The following DPYD variants were observed in gnomAD, a reference collection of about 807,000 sequenced individuals.
The protein encoded by DPYD is dihydropyrimidine dehydrogenase, also known as dihydropyrimidine dehydrogenase [NADP(+)].
A neutral mutation model predicts 116.2 loss-of-function variants in DPYD; 109 were observed. That is an observed-to-expected ratio of 0.94 (90% CI 0.80 to 1.10). The LOEUF (loss-of-function observed/expected upper bound fraction) is 1.10. Among genes scored for constraint, DPYD ranks in the 50% least tolerant of loss-of-function variants. The pLI, the probability that DPYD is intolerant of heterozygous loss-of-function variation, is 0.00. For synonymous variants in DPYD, 440 were observed against 432.0 expected (o/e 1.02, Z -0.23); for missense variants, 1,302 against 1,254.5 (o/e 1.04, Z -0.57).
At chr1:97,671,946 A>ATTTTTTTT (rs202099045) in intron 8 of DPYD, among the ~76,000 whole-genome samples, 1 of 127,876 alleles carries the variant, frequency 7.8e-6, no homozygotes, top group African/African-American at 2.9e-5. Context: ...TTTATCTATT[A>ATTTTTTTT]TTTTTTTTTT....
intron 18 of DPYD, among the ~76,000 whole-genome samples, chr1:97,278,006 G>C (rs1051756631): frequency 1.3e-5 from 2 of 152,058 alleles, no homozygotes; most frequent in Non-Finnish European, 2.9e-5. Context: ...TGGGATTTCT[G>C]ATCTATTTAT....
intron 2 of DPYD, among the ~76,000 whole-genome samples, chr1:97,839,327 G>C (rs181658904): frequency 9.9e-5 from 15 of 152,092 alleles, no homozygotes; most frequent in African/African-American, 3.4e-4. Flanking sequence ...ATAATTTTCT[G>C]TCTCCAACCT....
intron 14 of DPYD, among the ~76,000 whole-genome samples, chr1:97,448,016 G>A (rs1676184907): frequency 6.6e-6 from 1 of 152,004 alleles, no homozygotes; most frequent in African/African-American, 2.4e-5. Context: ...TTGAGTTCAG[G>A]AGTTCAAGAC....
intron 20 of DPYD, among the ~76,000 whole-genome samples, chr1:97,110,643 C>A (rs2101622741): frequency 6.6e-6 from 1 of 152,240 alleles, no homozygotes; most frequent in South Asian, 2.1e-4. Context: ...TCCCTTCAAA[C>A]TTCTTTTAAG....
At position 97,724,299 on chromosome 1, in the gene DPYD, GGGGGGGGGGTGTGTGTGTGTGTGTGT is replaced by G. The variant is rs1301281158; in HGVS notation, c.322-2654_322-2629del. ...AGAAAGAATAGGATGTATGTGGGGGGGGGGGGGGGTGTGTGTGTGTGTGTGTGTGTGTGTGTGTGTGTGTGTGTGTG... is the reference window on the plus strand; with the variant it reads ...AGAAAGAATAGGATGTATGTGGGGGGGTGTGTGTGTGTGTGTGTGTGTGTG... On this transcript the variant is annotated intron_variant, in intron 4 of 22. Coordinates refer to ENST00000370192, the MANE Select transcript of DPYD (RefSeq NM_000110.4). Among the ~76,000 whole-genome samples the G allele has an allele frequency of 7.1e-3, 109 of 15,376 alleles. 3 individuals carry two copies. Among genetic ancestry groups the G allele is most frequent in the East Asian group, 0.054 (24 of 442 alleles). 10.1% of individuals were successfully genotyped at this position (15,376 alleles called of 152,430 possible).
chr1:97,847,666 T>TA (rs1670371664), intron 2 of DPYD, among the ~76,000 whole-genome samples: 1 of 152,128 alleles, frequency 6.6e-6, no homozygotes, highest in Non-Finnish European at 1.5e-5. Flanking sequence ...CTTACAGAAT[T>TA]AAAATATAGT....
chr1:97,584,282 T>C (rs1653923817), intron 10 of DPYD, among the ~76,000 whole-genome samples: 1 of 152,150 alleles, frequency 6.6e-6, no homozygotes, highest in South Asian at 2.1e-4. Flanking sequence ...GTAAATTTGT[T>C]TGAGTTCATT....
At chr1:97,150,569 T>G (rs564970659) in intron 20 of DPYD, among the ~76,000 whole-genome samples, 2 of 152,202 alleles carry the variant, frequency 1.3e-5, no homozygotes, top group Non-Finnish European at 2.9e-5. Context: ...CACTGGGCTC[T>G]CTCTGGGTTC....
intron 19 of DPYD, among the ~76,000 whole-genome samples, chr1:97,208,298 T>C (rs1355490105): frequency 6.6e-6 from 1 of 151,448 alleles, no homozygotes; most frequent in Admixed American, 6.6e-5. Context: ...TCTTTCTTTT[T>C]TTTTTTTGAC....
chr1:97,317,350 A>G (rs1456727648), intron 16 of DPYD, among the ~76,000 whole-genome samples: 1 of 151,956 alleles, frequency 6.6e-6, no homozygotes, highest in East Asian at 2.0e-4. Flanking sequence ...AATGAACCCC[A>G]GCAGGTTTCC....
intron 8 of DPYD, among the ~76,000 whole-genome samples, chr1:97,672,040 G>A (rs567147033): frequency 1.4e-5 from 2 of 147,346 alleles, no homozygotes; most frequent in South Asian, 2.2e-4. Flanking sequence ...CCCTTCCCAC[G>A]CTCATCTCCC....
intron 15 of DPYD, among the ~76,000 whole-genome samples, chr1:97,376,527 A>G (rs536859793): frequency 6.6e-6 from 1 of 152,314 alleles, no homozygotes; most frequent in Admixed American, 6.5e-5. Flanking sequence ...CCATGAGAAC[A>G]GGAACATTCA....
rs76489086 is a variant in DPYD at position 97,447,753 on chromosome 1, T to C, written c.1905+2306A>G. Reference sequence around the variant, plus strand: ...TCCACTTACTGTCATTTCTTGGTGGTCATTATTACAACAACTTACTCCTAC... The same window carrying C: ...TCCACTTACTGTCATTTCTTGGTGGCCATTATTACAACAACTTACTCCTAC... On this transcript the variant is annotated intron_variant, in intron 14 of 22. Coordinates refer to ENST00000370192, the MANE Select transcript of DPYD (RefSeq NM_000110.4). Among the ~76,000 whole-genome samples the C allele has an allele frequency of 5.4e-3, 826 of 152,132 alleles. 5 individuals are homozygous for C. The highest frequency in any genetic ancestry group is 0.019 in the African/African-American group (793 of 41,504).
intron 19 of DPYD, among the ~76,000 whole-genome samples, chr1:97,232,079 T>G (rs1661620297): frequency 6.6e-6 from 1 of 152,232 alleles, no homozygotes; most frequent in African/African-American, 2.4e-5. Context: ...AAAGCTTTCT[T>G]TAGCCATTCT....
At chr1:97,130,004 A>C (rs1653152884) in intron 20 of DPYD, among the ~76,000 whole-genome samples, 1 of 152,186 alleles carries the variant, frequency 6.6e-6, no homozygotes, top group Admixed American at 6.6e-5. Context: ...TTCTATTAGA[A>C]GGTAAAATAA....
At chr1:97,486,947 T>TA (rs918098091) in intron 13 of DPYD, among the ~76,000 whole-genome samples, 7 of 151,700 alleles carry the variant, frequency 4.6e-5, no homozygotes, top group Non-Finnish European at 8.8e-5. Flanking sequence ...AATTAATGAG[T>TA]AAAAAAAGAT....
intron 20 of DPYD, among the ~76,000 whole-genome samples, chr1:97,173,349 C>T (rs1435245989): frequency 6.7e-6 from 1 of 149,318 alleles, no homozygotes; most frequent in Non-Finnish European, 1.5e-5. Context: ...TATATGCACA[C>T]ATATATGTAC....
intron 19 of DPYD, among the ~76,000 whole-genome samples, chr1:97,221,798 T>C (rs1038401753): frequency 3.3e-5 from 5 of 152,072 alleles, no homozygotes; most frequent in African/African-American, 1.2e-4. Context: ...GAAAAAAGAC[T>C]CATGACTTTG....
rs547494534 is a variant in DPYD, at chr1:97,132,246, G to A, written c.2623-33614C>T. ...CACCAACAGGAACATCGTTCCTGGC[G>A]TTAATACTTCAGTGTAAGAACTGTT... On this transcript the variant is annotated intron_variant, in intron 20 of 22. Coordinates refer to ENST00000370192, the MANE Select transcript of DPYD (RefSeq NM_000110.4). 3.8e-4 allele frequency among the ~76,000 whole-genome samples: 58 copies of A among 152,176 alleles called. No individual in the cohort carries two copies. The South Asian group carries it at 4.4e-3, about 11-fold the overall frequency.
Sources: allele counts gnomAD v4.1 joint callset (sites outside exome capture counted in the v4.1 genomes callset), GRCh38; gene constraint gnomAD v4.1.1; transcripts MANE v1.5; gene names NCBI Gene and HGNC (gene_info 2026-07-23, HGNC 2026-07-21).